UBAP2L: variants seen among roughly 807,000 people sequenced by gnomAD.
The protein encoded by UBAP2L is ubiquitin-associated protein 2-like.
In UBAP2L, 12 loss-of-function variants were observed where a neutral mutation model predicts 130.6. The observed-to-expected ratio is 0.09, with a 90% CI of 0.06 to 0.15. The LOEUF (loss-of-function observed/expected upper bound fraction) is 0.15. Among genes scored for constraint, UBAP2L ranks in the 10% least tolerant of loss-of-function variants. The pLI, the probability that UBAP2L is intolerant of heterozygous loss-of-function variation, is 1.00. For missense variants in UBAP2L, 965 were observed against 1,332.5 expected, an observed-to-expected ratio of 0.72 and a Z score of 4.29; for synonymous variants, 503 against 524.7, an observed-to-expected ratio of 0.96 and a Z score of 0.57.
At chr1:154,252,278 A>ATT (rs1186353284) in intron 14 of UBAP2L, among the ~76,000 whole-genome samples, 8 of 108,986 alleles carry the variant, frequency 7.3e-5, no homozygotes, top group African/African-American at 1.8e-4. Context: ...CCCAGCCCAG[A>ATT]TTTTTTTTTT....
chr1:154,259,482 G>A (rs1351082031), intron 21 of UBAP2L, among the ~76,000 whole-genome samples: 7 of 151,874 alleles, frequency 4.6e-5, no homozygotes, highest in Non-Finnish European at 8.8e-5. Context: ...ATGAGCCGCC[G>A]CACCCAGCCT....
chr1:154,243,329 A>G, intron 10 of UBAP2L, 27 bp downstream of exon 10: 4 of 1,602,196 alleles, frequency 2.5e-6, no homozygotes, highest in Non-Finnish European at 1.7e-6. Flanking sequence ...ATTTAGTACC[A>G]TTTCTTAAAC....
At chr1:154,253,817 C>CTA (rs1678723247) in intron 14 of UBAP2L, 83 bp from the exon 15 acceptor site, 6 of 1,366,040 alleles carry the variant, frequency 4.4e-6, no homozygotes, top group Non-Finnish European at 6.0e-6. Context: ...AGTTATTCCA[C>CTA]TAGTAGATCT....
rs576757218 is a variant in UBAP2L, at chr1:154,235,156, T to G, written c.449-40T>G. 1.3e-3 allele frequency: 923 copies of G among 725,486 alleles called. 2 individuals are homozygous for G. The highest frequency in any genetic ancestry group is 4.9e-3 in the Middle Eastern group (21 of 4,326). The allele number at this position is 725,486 out of a possible 1,614,324, so 44.9% of individuals were successfully genotyped here. On this transcript the variant is annotated intron_variant, in intron 5 of 26. Transcript: ENST00000428931. ...CTCTGGCCATCTGTGGTTTGGTTTT[T>G]TTGTTGTTGTTGTTGTTTTAATTTT...
chr1:154,234,219 C>T (rs539620205), intron 4 of UBAP2L, among the ~76,000 whole-genome samples: 36 of 151,954 alleles, frequency 2.4e-4, no homozygotes, highest in African/African-American at 5.3e-4. Flanking sequence ...AAAAATTAGC[C>T]GGGCATGGTG....
At chr1:154,260,849 T>C in intron 22 of UBAP2L, 43 bp from the exon 23 acceptor site, 3 of 1,580,878 alleles carry the variant, frequency 1.9e-6, no homozygotes, top group African/African-American at 1.3e-5. Context: ...TGTATTGGTA[T>C]TGGGGTGAAA....
chr1:154,230,393 T>A (rs1042046085), intron 4 of UBAP2L, among the ~76,000 whole-genome samples: 3 of 152,228 alleles, frequency 2.0e-5, no homozygotes, highest in Non-Finnish European at 2.9e-5. Flanking sequence ...TGGGAAATAA[T>A]AATGGAAAAC....
At chr1:154,234,558 T>G in intron 4 of UBAP2L, 33 bp from the exon 5 acceptor site, 1 of 1,610,660 alleles carries the variant, frequency 6.2e-7, no homozygotes, top group Non-Finnish European at 8.5e-7. Flanking sequence ...GCACTCCATA[T>G]TGATTAGATA....
chr1:154,270,784 TTTGTAC>T lies in UBAP2L; in HGVS notation c.*491_*496del. The T allele has an allele frequency of 2.3e-6, 3 of 1,332,988 alleles. No individual in the cohort carries two copies. The highest frequency in any genetic ancestry group is 3.3e-5 in the Admixed American group (1 of 30,462). 82.6% of individuals were successfully genotyped at this position (1,332,988 alleles called of 1,614,324 possible). On this transcript the variant is annotated 3_prime_UTR_variant, in exon 27 of 27. Coordinates refer to ENST00000428931, the MANE Select transcript of UBAP2L (RefSeq NM_014847.4). ...GTTTTTTTTTTGTTTTTTTTTTTTT[TTTGTAC>T]TGTGTCCTCAAATTTAATGGATTAA...
intron 15 of UBAP2L, 100 bp downstream of exon 15, chr1:154,254,189 C>T: frequency 8.9e-7 from 1 of 1,125,954 alleles, no homozygotes; most frequent in South Asian, 2.0e-5. Context: ...TGCTAAGAAA[C>T]TTTGGAAGTA....
At chr1:154,235,400 C>A (rs1449380230) in intron 6 of UBAP2L, 109 bp downstream of exon 6, 1 of 603,368 alleles carries the variant, frequency 1.7e-6, no homozygotes, top group East Asian at 2.9e-5. Flanking sequence ...TCACCCAGGC[C>A]GGAGTGCAGT....
upstream of UBAP2L, chr1:154,220,647 G>C (rs1665573075): frequency 1.7e-6 from 1 of 575,308 alleles, no homozygotes; most frequent in South Asian, 2.0e-5. Flanking sequence ...TGGCACCCAG[G>C]AGCGTCGAGC....
At chr1:154,231,148 A>G (rs1558128596) in intron 4 of UBAP2L, among the ~76,000 whole-genome samples, 1 of 152,102 alleles carries the variant, frequency 6.6e-6, no homozygotes, top group Non-Finnish European at 1.5e-5. Flanking sequence ...CAAATGAATT[A>G]AGAGATGGGG....
chr1:154,240,806 T>C (rs955024952), intron 8 of UBAP2L, among the ~76,000 whole-genome samples: 2 of 151,624 alleles, frequency 1.3e-5, no homozygotes, highest in African/African-American at 2.4e-5. Flanking sequence ...TTTTGTCTTA[T>C]ACTAGATAAA....
chr1:154,251,405 A>G (rs1677558453), intron 13 of UBAP2L, 76 bp from the exon 14 acceptor site: 3 of 1,570,802 alleles, frequency 1.9e-6, no homozygotes, highest in Non-Finnish European at 2.6e-6. Context: ...TTGGAAATTT[A>G]AAGGGAAGGG....
upstream of UBAP2L, chr1:154,220,241 G>A (rs1665428165): frequency 2.9e-6 from 4 of 1,396,378 alleles, no homozygotes; most frequent in African/African-American, 1.4e-5. Flanking sequence ...CCGGATAGGC[G>A]CAGGTGAGTG....
At chr1:154,270,011 C>A (rs1032388292) in intron 26 of UBAP2L, among the ~76,000 whole-genome samples, 189 bp from the exon 27 acceptor site, 3 of 152,062 alleles carry the variant, frequency 2.0e-5, no homozygotes, top group African/African-American at 7.3e-5. Flanking sequence ...ATTTAAAAGT[C>A]AAAAATGCCT....
chr1:154,270,778 T>TTG lies in UBAP2L; in HGVS notation c.*484_*485insGT, dbSNP rs970762216. On this transcript the variant is annotated 3_prime_UTR_variant, in exon 27 of 27. Transcript: ENST00000428931. ...GAAGTGGTTTTTTTTTTGTTTTTTT[T>TTG]TTTTTTTTGTACTGTGTCCTCAAAT... 3.4e-5 allele frequency: 43 copies of TTG among 1,274,570 alleles called. No homozygotes were observed. The highest frequency in any genetic ancestry group is 4.6e-5 in the African/African-American group (3 of 65,320). The allele number at this position is 1,274,570 out of a possible 1,614,324, so 79.0% of individuals were successfully genotyped here.
chr1:154,257,505 C>CA lies in UBAP2L; in HGVS notation c.2442+72dup, dbSNP rs1680032871. ...GCTACTCTTTTTATAGCTCTGGCTT[C>CA]AGATGGACCCCTGTGAATACCAAAA... On this transcript the variant is annotated intron_variant, in intron 20 of 26. Transcript: ENST00000428931. 16 of 1,546,828 alleles carry CA rather than the reference C, an allele frequency of 1.0e-5. No homozygotes were observed. The Admixed American group carries it at 2.7e-4, about 26-fold the overall frequency.
Sources: allele counts gnomAD v4.1 joint callset (sites outside exome capture counted in the v4.1 genomes callset), GRCh38; gene constraint gnomAD v4.1.1; transcripts MANE v1.5; gene names NCBI Gene and HGNC (gene_info 2026-07-23, HGNC 2026-07-21).